Variants in ZNF131 observed in about 807,000 individuals in gnomAD.
The protein encoded by ZNF131 is zinc finger protein 131.
Under a neutral mutation model 60.0 loss-of-function variants are expected in ZNF131, and 7 were observed. That is an observed-to-expected ratio of 0.12 (90% CI 0.07 to 0.22). ZNF131 has a LOEUF of 0.22. Among genes scored for constraint, ZNF131 ranks in the 10% least tolerant of loss-of-function variants. The probability of loss-of-function intolerance (pLI) is 1.00; values close to 1 mark genes in which losing one functional copy is unlikely to be tolerated. For synonymous variants in ZNF131, 257 were observed against 253.2 expected (o/e 1.01, Z -0.14); for missense variants, 493 against 740.9 (o/e 0.67, Z 3.88).
At chr5:43,136,856 A>G (rs1316817208) in intron 3 of ZNF131, among the ~76,000 whole-genome samples, 32 of 152,052 alleles carry the variant, frequency 2.1e-4, no homozygotes, top group Admixed American at 2.1e-3. Context: ...GGACTAGCTT[A>G]AAGAGACATA....
At chr5:43,134,810 C>T (rs1463562284) in intron 3 of ZNF131, among the ~76,000 whole-genome samples, 1 of 144,332 alleles carries the variant, frequency 6.9e-6, no homozygotes, top group Non-Finnish European at 1.5e-5. Flanking sequence ...AAATGATTCT[C>T]CTGCCTCACC....
At chr5:43,121,808 G>A (rs1203107575) in intron 1 of ZNF131, 1 of 333,916 alleles carries the variant, frequency 3.0e-6, no homozygotes, top group Non-Finnish European at 5.5e-6. Flanking sequence ...GCTCTAGCTC[G>A]CGTCTCCCGA....
chr5:43,123,874 A>T (rs1178315285), intron 3 of ZNF131: 1 of 152,206 alleles, frequency 6.6e-6, no homozygotes, highest in African/African-American at 2.4e-5. Flanking sequence ...GCAAAAAGTG[A>T]TTTTTGTACT....
chr5:43,141,421 C>T (rs900204713), intron 4 of ZNF131, among the ~76,000 whole-genome samples: 1 of 152,036 alleles, frequency 6.6e-6, no homozygotes, highest in Non-Finnish European at 1.5e-5. Context: ...TTCTCTGTGG[C>T]CCTTTTGCTG....
Position 43,175,203 on chromosome 5 carries a change from C to A in ZNF131, c.*70C>A. On this transcript the variant is annotated 3_prime_UTR_variant, in exon 7 of 7. Transcript: ENST00000682664. ...AACTGATTATGGGCAGTTTGACTGT[C>A]CTTAATTAAGCCTAACAGACAAGTG... 6.9e-7 allele frequency: 1 copy of A among 1,439,182 alleles called. No homozygotes were observed. The highest frequency in any genetic ancestry group is 9.3e-7 in the Non-Finnish European group (1 of 1,078,524). The allele number at this position is 1,439,182 out of a possible 1,614,324, so 89.2% of individuals were successfully genotyped here.
intron 4 of ZNF131, among the ~76,000 whole-genome samples, chr5:43,156,305 G>A (rs756876254): frequency 5.3e-5 from 8 of 152,160 alleles, no homozygotes; most frequent in Non-Finnish European, 1.2e-4. Context: ...ACATAGCCAT[G>A]GAAGCTTGAG....
At chr5:43,166,538 T>G (rs918283729) in intron 5 of ZNF131, among the ~76,000 whole-genome samples, 8 of 151,876 alleles carry the variant, frequency 5.3e-5, no homozygotes, top group Non-Finnish European at 7.4e-5. Flanking sequence ...TTTTTTGTAT[T>G]TTTAGTAGAG....
chr5:43,163,206 C>T (rs1374134471), intron 5 of ZNF131, among the ~76,000 whole-genome samples: 1 of 151,980 alleles, frequency 6.6e-6, no homozygotes, highest in Non-Finnish European at 1.5e-5. Flanking sequence ...TCTCAAACTC[C>T]TGACCTCGTG....
chr5:43,136,512 A>G (rs1454032039), intron 3 of ZNF131, among the ~76,000 whole-genome samples: 1 of 95,190 alleles, frequency 1.1e-5, no homozygotes, highest in African/African-American at 4.1e-5. Flanking sequence ...TTTTTGAGGT[A>G]GTCTTACTGT....
At chr5:43,160,377 A>G (rs963312964) in intron 4 of ZNF131, among the ~76,000 whole-genome samples, 2 of 149,826 alleles carry the variant, frequency 1.3e-5, no homozygotes, top group East Asian at 2.0e-4. Context: ...GCACGCATCT[A>G]TAGTCCCAGC....
chr5:43,142,532 C>T (rs1746986934), intron 4 of ZNF131, among the ~76,000 whole-genome samples: 1 of 151,890 alleles, frequency 6.6e-6, no homozygotes, highest in Non-Finnish European at 1.5e-5. Flanking sequence ...TCTTGACCTC[C>T]TGACCTCGTG....
intron 4 of ZNF131, chr5:43,143,574 T>C: frequency 2.9e-6 from 1 of 339,736 alleles, no homozygotes; most frequent in Non-Finnish European, 5.2e-6. Context: ...CTGTAATCCC[T>C]TTCCTGTAAT....
At chr5:43,124,913 C>G (rs1033333031) in intron 3 of ZNF131, 3 of 151,932 alleles carry the variant, frequency 2.0e-5, no homozygotes, top group African/African-American at 7.3e-5. Flanking sequence ...GCCTGTGGTC[C>G]CAGCTATTCA....
intron 3 of ZNF131, among the ~76,000 whole-genome samples, chr5:43,137,127 G>A (rs116538319): frequency 7.3e-4 from 111 of 152,232 alleles, no homozygotes; most frequent in African/African-American, 2.7e-3. Context: ...AAAACATGAG[G>A]GGAAGCTTCA....
At chr5:43,134,615 A>G (rs1361184038) in intron 3 of ZNF131, among the ~76,000 whole-genome samples, 1 of 152,096 alleles carries the variant, frequency 6.6e-6, no homozygotes, top group African/African-American at 2.4e-5. Context: ...CAACACAAAA[A>G]ACTACTAGAA....
At chr5:43,158,727 G>T (rs781562726) in intron 4 of ZNF131, among the ~76,000 whole-genome samples, 1 of 152,204 alleles carries the variant, frequency 6.6e-6, no homozygotes, top group Non-Finnish European at 1.5e-5. Flanking sequence ...AAAGTAGAGG[G>T]CCATTTATTG....
At chr5:43,153,287 G>A (rs111557986) in intron 4 of ZNF131, among the ~76,000 whole-genome samples, 4 of 151,990 alleles carry the variant, frequency 2.6e-5, no homozygotes, top group Admixed American at 2.6e-4. Flanking sequence ...AGAGGTACCA[G>A]GCTATTCCAG....
At position 43,175,074 on chromosome 5, in the gene ZNF131, G is replaced by A. The variant is rs111424881; in HGVS notation, c.1813G>A (p.Asp605Asn). Reference sequence around the variant, plus strand: ...GGATTTAGAGACCAAGCCAACAGTGGATTCTGAAGCAGAAAAGGCAGAGAA... The same window carrying A: ...GGATTTAGAGACCAAGCCAACAGTGAATTCTGAAGCAGAAAAGGCAGAGAA... ...AEDLETKPTVDSEAEKAENED... is the reference protein window; with the variant it reads ...AEDLETKPTVNSEAEKAENED... The change falls in exon 7 of 7, where the codon GAT (aspartate) becomes AAT (asparagine). Residue 605 changes from aspartate (D) to asparagine (N), a missense_variant. Asp to Asn is a conservative substitution (Grantham distance 23). Coordinates refer to ENST00000682664, the MANE Select transcript of ZNF131 (RefSeq NM_001330707.2). 1.4e-3 allele frequency: 2,259 copies of A among 1,614,162 alleles called. 30 individuals are homozygous for A. The African/African-American group carries it at 0.027, about 20-fold the overall frequency.
At chr5:43,136,165 T>G (rs1222380658) in intron 3 of ZNF131, among the ~76,000 whole-genome samples, 2 of 152,174 alleles carry the variant, frequency 1.3e-5, no homozygotes, top group Non-Finnish European at 2.9e-5. Flanking sequence ...TCAACATGAC[T>G]CAACGGAAAT....
Sources: allele counts gnomAD v4.1 joint callset (sites outside exome capture counted in the v4.1 genomes callset), GRCh38; gene constraint gnomAD v4.1.1; transcripts MANE v1.5; gene names NCBI Gene and HGNC (gene_info 2026-07-23, HGNC 2026-07-21).